Variants in SSBP2 observed in about 807,000 individuals in gnomAD.
SSBP2 encodes the protein single-stranded DNA-binding protein 2.
Under a neutral mutation model 61.8 loss-of-function variants are expected in SSBP2, and 17 were observed. The observed-to-expected ratio is 0.28, with a 90% CI of 0.19 to 0.41. The LOEUF is 0.41. Among genes scored for constraint, SSBP2 ranks in the 10% least tolerant of loss-of-function variants. The pLI is 1.00. For synonymous variants in SSBP2, 139 were observed against 141.3 expected, an observed-to-expected ratio of 0.98 and a Z score of 0.12; for missense variants, 310 against 458.7, an observed-to-expected ratio of 0.68 and a Z score of 2.96.
At chr5:81,655,567 G>C (rs540334850) in intron 1 of SSBP2, among the ~76,000 whole-genome samples, 103 of 152,276 alleles carry the variant, frequency 6.8e-4, no homozygotes, top group African/African-American at 2.4e-3. Flanking sequence ...GGGAGCCAAA[G>C]CCCGAAATGC....
chr5:81,562,164 C>G (rs1773095764), intron 4 of SSBP2, among the ~76,000 whole-genome samples: 1 of 152,094 alleles, frequency 6.6e-6, no homozygotes, highest in Non-Finnish European at 1.5e-5. Flanking sequence ...CTTCGGCCTC[C>G]CAAAGTGCTG....
chr5:81,691,536 T>C (rs1356832483), intron 1 of SSBP2, among the ~76,000 whole-genome samples: 1 of 150,542 alleles, frequency 6.6e-6, no homozygotes, highest in Non-Finnish European at 1.5e-5. Context: ...AACAGACCAA[T>C]AACAAGTAAC....
At chr5:81,595,258 C>T (rs1175438957) in intron 4 of SSBP2, among the ~76,000 whole-genome samples, 1 of 152,118 alleles carries the variant, frequency 6.6e-6, no homozygotes, top group Non-Finnish European at 1.5e-5. Flanking sequence ...GGATAAATTC[C>T]TCGACACATA....
intron 4 of SSBP2, among the ~76,000 whole-genome samples, chr5:81,585,615 GA>G (rs1248240603): frequency 6.6e-6 from 1 of 151,944 alleles, no homozygotes; most frequent in Non-Finnish European, 1.5e-5. Flanking sequence ...TGGAATGGCT[GA>G]ATCAAGCTAA....
intron 1 of SSBP2, among the ~76,000 whole-genome samples, chr5:81,674,438 T>C (rs998837832): frequency 6.6e-6 from 1 of 152,156 alleles, no homozygotes; most frequent in African/African-American, 2.4e-5. Flanking sequence ...TTTATATCTA[T>C]GGGAAATATG....
intron 6 of SSBP2, among the ~76,000 whole-genome samples, chr5:81,485,228 CTA>C (rs1766293436): frequency 6.6e-6 from 1 of 152,080 alleles, no homozygotes; most frequent in Admixed American, 6.6e-5. Context: ...GATTTAACTT[CTA>C]TGTTTCATGT....
intron 3 of SSBP2, among the ~76,000 whole-genome samples, chr5:81,623,868 G>C (rs1419046732): frequency 6.6e-6 from 1 of 152,102 alleles, no homozygotes; most frequent in Non-Finnish European, 1.5e-5. Flanking sequence ...ACCAACCTTA[G>C]AGATTATAAA....
At chr5:81,676,493 C>T (rs191618420) in intron 1 of SSBP2, among the ~76,000 whole-genome samples, 83 of 152,286 alleles carry the variant, frequency 5.5e-4, no homozygotes, top group African/African-American at 1.9e-3. Flanking sequence ...TCTCAACCCA[C>T]GTAACACATT....
chr5:81,427,805 C>T (rs1280295884), intron 16 of SSBP2, among the ~76,000 whole-genome samples: 2 of 152,198 alleles, frequency 1.3e-5, no homozygotes, highest in Admixed American at 6.5e-5. Flanking sequence ...AGCTTTTCCA[C>T]ATTCAAGTAT....
At chr5:81,742,826 G>A (rs1757117979) in intron 1 of SSBP2, among the ~76,000 whole-genome samples, 1 of 152,106 alleles carries the variant, frequency 6.6e-6, no homozygotes, top group Admixed American at 6.5e-5. Context: ...GTTGCAGAGA[G>A]CCGAGATTGC....
chr5:81,432,893 G>A lies in SSBP2; in HGVS notation c.958-4210C>T, dbSNP rs534653661. Among the ~76,000 whole-genome samples the A allele has an allele frequency of 3.2e-3, 468 of 147,838 alleles. 4 individuals carry two copies. The highest frequency in any genetic ancestry group is 0.011 in the African/African-American group (430 of 39,954). ...GGCCACCCCTACTGGGAAGTGAGGAGCCCCTCTGCCCGGCCAGCCACCCCG... is the reference window on the plus strand; with the variant it reads ...GGCCACCCCTACTGGGAAGTGAGGAACCCCTCTGCCCGGCCAGCCACCCCG... On this transcript the variant is annotated intron_variant, in intron 15 of 16. Transcript: ENST00000320672.
At chr5:81,428,342 C>G (rs977470008) in intron 16 of SSBP2, among the ~76,000 whole-genome samples, 1 of 152,154 alleles carries the variant, frequency 6.6e-6, no homozygotes, top group Non-Finnish European at 1.5e-5. Context: ...TGTTCCTTTA[C>G]AGTGGAGGTT....
intron 11 of SSBP2, chr5:81,447,871 G>A (rs942427350): frequency 2.0e-5 from 3 of 152,042 alleles, no homozygotes; most frequent in Admixed American, 6.6e-5. Context: ...TTATTTCATA[G>A]AAAATGCAAA....
intron 1 of SSBP2, among the ~76,000 whole-genome samples, chr5:81,734,918 C>T (rs2154001906): frequency 6.9e-6 from 1 of 144,184 alleles, no homozygotes; most frequent in East Asian, 2.0e-4. Context: ...TTGCAGTGAG[C>T]CGAGATCGTG....
chr5:81,691,980 A>T (rs1406890570), intron 1 of SSBP2, among the ~76,000 whole-genome samples: 1 of 152,214 alleles, frequency 6.6e-6, no homozygotes, highest in Non-Finnish European at 1.5e-5. Flanking sequence ...CACCACTGTT[A>T]TTCAACACAG....
rs180854394 is a variant in SSBP2, at chr5:81,423,979, T to C, written c.1057-3446A>G. ...TATTTCAAATGTTTTAAGTCAATCT[T>C]ACAGAAAAATGATACTTTGTTACTG... On this transcript the variant is annotated intron_variant, in intron 16 of 16. Coordinates refer to ENST00000320672, the MANE Select transcript of SSBP2 (RefSeq NM_012446.5). Among the ~76,000 whole-genome samples the C allele has an allele frequency of 3.2e-3, 486 of 152,246 alleles. 11 individuals carry two copies. The highest frequency in any genetic ancestry group is 0.03 in the Admixed American group (453 of 15,296).
intron 1 of SSBP2, among the ~76,000 whole-genome samples, chr5:81,692,720 C>A (rs1203554560): frequency 6.6e-6 from 1 of 152,104 alleles, no homozygotes; most frequent in Non-Finnish European, 1.5e-5. Flanking sequence ...ACAGTGAACT[C>A]ATTTTTGACA....
chr5:81,633,781 C>T (rs566543810), intron 3 of SSBP2, among the ~76,000 whole-genome samples: 2 of 152,326 alleles, frequency 1.3e-5, no homozygotes, highest in South Asian at 4.1e-4. Flanking sequence ...CAGCTGAACT[C>T]TTCACCAAAT....
intron 4 of SSBP2, among the ~76,000 whole-genome samples, chr5:81,571,728 T>C (rs1773857553): frequency 6.6e-6 from 1 of 152,094 alleles, no homozygotes; most frequent in Non-Finnish European, 1.5e-5. Flanking sequence ...TAAGAGTAAA[T>C]AAACTAAAAT....
Sources: allele counts gnomAD v4.1 joint callset (sites outside exome capture counted in the v4.1 genomes callset), GRCh38; gene constraint gnomAD v4.1.1; transcripts MANE v1.5; gene names NCBI Gene and HGNC (gene_info 2026-07-23, HGNC 2026-07-21).